The following NLGN1 variants were observed in gnomAD, a reference collection of about 807,000 sequenced individuals.
The protein encoded by NLGN1 is neuroligin-1.
Under a neutral mutation model 65.5 loss-of-function variants are expected in NLGN1, and 12 were observed. That is an observed-to-expected ratio of 0.18 (90% CI 0.12 to 0.30). The LOEUF (loss-of-function observed/expected upper bound fraction) is 0.30. Among genes scored for constraint, NLGN1 ranks in the 10% least tolerant of loss-of-function variants. NLGN1 has a pLI of 1.00. For synonymous variants in NLGN1, 350 were observed against 359.5 expected (o/e 0.97, Z 0.30); for missense variants, 750 against 1,007.1 (o/e 0.74, Z 3.46).
intron 4 of NLGN1, among the ~76,000 whole-genome samples, chr3:174,009,586 G>C (rs970940537): frequency 1.3e-5 from 2 of 152,246 alleles, no homozygotes; most frequent in African/African-American, 4.8e-5. Context: ...TGGTCTCTTT[G>C]ACTTCAAAGC....
intron 2 of NLGN1, among the ~76,000 whole-genome samples, chr3:173,548,684 A>G (rs1377829329): frequency 6.6e-6 from 1 of 152,038 alleles, no homozygotes; most frequent in Non-Finnish European, 1.5e-5. Flanking sequence ...GGCCTGTAGA[A>G]AGAAATATAT....
At chr3:173,701,904 G>A (rs1767223960) in intron 3 of NLGN1, among the ~76,000 whole-genome samples, 1 of 152,146 alleles carries the variant, frequency 6.6e-6, no homozygotes, top group Non-Finnish European at 1.5e-5. Context: ...TGCTGCCTTT[G>A]TTTCATGGTA....
intron 4 of NLGN1, among the ~76,000 whole-genome samples, chr3:173,816,312 ATTGT>A (rs1560428527): frequency 6.6e-6 from 1 of 152,168 alleles, no homozygotes; most frequent in Admixed American, 6.5e-5. Flanking sequence ...ATGAGGTAGC[ATTGT>A]TAGTTTCCAG....
intron 4 of NLGN1, among the ~76,000 whole-genome samples, chr3:173,995,312 G>T (rs528232792): frequency 2.0e-5 from 3 of 152,112 alleles, no homozygotes; most frequent in African/African-American, 4.8e-5. Context: ...CCTCATTCTC[G>T]TCTCTGTAGA....
At chr3:173,936,216 G>A (rs1247283663) in intron 4 of NLGN1, among the ~76,000 whole-genome samples, 1 of 151,272 alleles carries the variant, frequency 6.6e-6, no homozygotes, top group South Asian at 2.1e-4. Flanking sequence ...TTCTAGTTTT[G>A]TAGTTTATAA....
chr3:174,139,087 A>G (rs1046737015), intron 4 of NLGN1, among the ~76,000 whole-genome samples: 1 of 152,068 alleles, frequency 6.6e-6, no homozygotes, highest in Non-Finnish European at 1.5e-5. Context: ...TATATTGCAC[A>G]TCTTGCACAA....
intron 3 of NLGN1, among the ~76,000 whole-genome samples, chr3:173,757,738 GA>G: frequency 1.3e-5 from 2 of 152,122 alleles, no homozygotes; most frequent in East Asian, 3.9e-4. Flanking sequence ...TAGATTATAT[GA>G]AGGAATTATC....
chr3:174,002,736 G>T (rs1265789371), intron 4 of NLGN1, among the ~76,000 whole-genome samples: 1 of 152,010 alleles, frequency 6.6e-6, no homozygotes, highest in Non-Finnish European at 1.5e-5. Context: ...TCATTCTATA[G>T]CACCCCCTGG....
chr3:173,877,011 A>G (rs946120422), intron 4 of NLGN1, among the ~76,000 whole-genome samples: 2 of 152,148 alleles, frequency 1.3e-5, no homozygotes, highest in East Asian at 1.9e-4. Flanking sequence ...AAAACTTTAA[A>G]TAAGAATAGG....
chr3:173,423,306 A>G (rs1715468361), intron 1 of NLGN1, among the ~76,000 whole-genome samples: 1 of 152,098 alleles, frequency 6.6e-6, no homozygotes, highest in South Asian at 2.1e-4. Context: ...GCTCCTCCCA[A>G]ATCCCATGTC....
intron 4 of NLGN1, among the ~76,000 whole-genome samples, chr3:174,267,042 G>C (rs1577698574): frequency 6.6e-6 from 1 of 152,164 alleles, no homozygotes; most frequent in East Asian, 1.9e-4. Flanking sequence ...TAATTTTATG[G>C]GGTGGGTACT....
At chr3:173,474,480 A>G (rs947782611) in intron 2 of NLGN1, among the ~76,000 whole-genome samples, 6 of 152,202 alleles carry the variant, frequency 3.9e-5, no homozygotes, top group Non-Finnish European at 5.9e-5. Context: ...CTCATATGCA[A>G]ATATGCAGCA....
intron 3 of NLGN1, among the ~76,000 whole-genome samples, chr3:173,679,260 GA>G (rs112068343): frequency 8.0e-5 from 12 of 150,102 alleles, no homozygotes; most frequent in South Asian, 2.1e-4. Context: ...AGTAAAAAAT[GA>G]AAAAAAAAGA....
chr3:173,530,471 A>G (rs1736381998), intron 2 of NLGN1, among the ~76,000 whole-genome samples: 1 of 152,234 alleles, frequency 6.6e-6, no homozygotes, highest in Non-Finnish European at 1.5e-5. Flanking sequence ...GTTGGAAAGT[A>G]GTAGATATCA....
intron 3 of NLGN1, among the ~76,000 whole-genome samples, chr3:173,764,335 G>A (rs866395691): frequency 5.9e-5 from 9 of 152,240 alleles, no homozygotes; most frequent in East Asian, 1.9e-4. Context: ...TCTACCTTAG[G>A]TTTCACCATG....
intron 2 of NLGN1, among the ~76,000 whole-genome samples, chr3:173,539,642 A>G (rs1577171967): frequency 7.4e-6 from 1 of 134,268 alleles, no homozygotes; most frequent in African/African-American, 3.1e-5. Context: ...ACACATATAT[A>G]CATATATAAC....
chr3:173,902,341 A>C (rs1282872699), intron 4 of NLGN1, among the ~76,000 whole-genome samples: 1 of 152,068 alleles, frequency 6.6e-6, no homozygotes, highest in Non-Finnish European at 1.5e-5. Flanking sequence ...TACTTCCTCA[A>C]CTGGTGAGGA....
intron 3 of NLGN1, among the ~76,000 whole-genome samples, chr3:173,767,233 T>G (rs576227429): frequency 6.6e-6 from 1 of 152,246 alleles, no homozygotes; most frequent in Admixed American, 6.5e-5. Context: ...AAACAATGCT[T>G]TAAGTCTGAA....
chr3:173,826,911 G>A (rs1721441292), intron 4 of NLGN1, among the ~76,000 whole-genome samples: 1 of 152,040 alleles, frequency 6.6e-6, no homozygotes, highest in South Asian at 2.1e-4. Flanking sequence ...GATGGGGGTT[G>A]GAGGAGGTAT....
Sources: allele counts gnomAD v4.1 joint callset (sites outside exome capture counted in the v4.1 genomes callset), GRCh38; gene constraint gnomAD v4.1.1; transcripts MANE v1.5; gene names NCBI Gene and HGNC (gene_info 2026-07-23, HGNC 2026-07-21).